The following PCDH15 variants were observed in gnomAD, a reference collection of about 807,000 sequenced individuals.
The protein encoded by PCDH15 is protocadherin-15.
In PCDH15, 129 loss-of-function variants were observed where a neutral mutation model predicts 178.5. The observed-to-expected ratio is 0.72, with a 90% confidence interval of 0.63 to 0.84. The LOEUF (loss-of-function observed/expected upper bound fraction) is 0.84, where lower values mean the gene tolerates loss of function less well. PCDH15 is among the 40% of genes least tolerant of loss of function. PCDH15 has a pLI of 0.00. For missense variants in PCDH15, 2,230 were observed against 2,099.9 expected (o/e 1.06, Z -1.21); for synonymous variants, 800 against 732.0 (o/e 1.09, Z -1.50).
chr10:54,752,521 CAAACAAACAA>C (rs1946467810), intron 1 of PCDH15, among the ~76,000 whole-genome samples: 1 of 58,894 alleles, frequency 1.7e-5, no homozygotes, highest in African/African-American at 5.2e-5. Context: ...AACAAACAAA[CAAACAAACAA>C]AAAAAAACAA....
intron 2 of PCDH15, among the ~76,000 whole-genome samples, chr10:55,449,324 A>G (rs139082878): frequency 2.0e-3 from 297 of 152,162 alleles, no homozygotes; most frequent in African/African-American, 6.8e-3. Context: ...TGGTTCCATC[A>G]GAAACAAATG....
chr10:54,375,849 A>T (rs1217051165), intron 4 of PCDH15, among the ~76,000 whole-genome samples: 3 of 114,208 alleles, frequency 2.6e-5, no homozygotes, highest in African/African-American at 1.1e-4. Flanking sequence ...TATATATATA[A>T]TATATAAATA....
At chr10:54,104,832 G>A (rs2094879939) in intron 15 of PCDH15, among the ~76,000 whole-genome samples, 1 of 98,144 alleles carries the variant, frequency 1.0e-5, no homozygotes. Flanking sequence ...GTGAGACTCT[G>A]CCTCAACAAC....
intron 3 of PCDH15, among the ~76,000 whole-genome samples, chr10:54,457,017 G>A (rs564071049): frequency 7.9e-5 from 12 of 152,236 alleles, no homozygotes; most frequent in Non-Finnish European, 1.8e-4. Flanking sequence ...CCAGTCACAG[G>A]TGTTTCTTCA....
At chr10:54,119,915 C>A (rs940704761) in intron 15 of PCDH15, among the ~76,000 whole-genome samples, 1 of 152,078 alleles carries the variant, frequency 6.6e-6, no homozygotes, top group African/African-American at 2.4e-5. Context: ...AATGTTATCC[C>A]TCCCCTAGCT....
At chr10:54,884,134 C>T (rs1481147920) in intron 3 of PCDH15, among the ~76,000 whole-genome samples, 2 of 151,904 alleles carry the variant, frequency 1.3e-5, no homozygotes, top group African/African-American at 4.8e-5. Flanking sequence ...AGCCGGGTAT[C>T]AGAGTAACAA....
chr10:54,694,610 T>A (rs546799488), intron 1 of PCDH15, among the ~76,000 whole-genome samples: 3 of 152,200 alleles, frequency 2.0e-5, no homozygotes, highest in Non-Finnish European at 4.4e-5. Flanking sequence ...CAAACTTTAT[T>A]ATTATTATTA....
intron 3 of PCDH15, among the ~76,000 whole-genome samples, chr10:54,520,878 G>A (rs1402659917): frequency 6.6e-6 from 1 of 151,580 alleles, no homozygotes; most frequent in Non-Finnish European, 1.5e-5. Flanking sequence ...GGAATACTAT[G>A]CAGCCATAAA....
chr10:55,272,085 T>A (rs1039240633), intron 1 of PCDH15, among the ~76,000 whole-genome samples: 1 of 152,184 alleles, frequency 6.6e-6, no homozygotes, highest in Non-Finnish European at 1.5e-5. Context: ...GTGTTTTTTC[T>A]ATATACCATT....
intron 3 of PCDH15, among the ~76,000 whole-genome samples, chr10:54,396,956 A>G (rs1448815695): frequency 6.6e-6 from 1 of 151,448 alleles, no homozygotes; most frequent in Middle Eastern, 3.2e-3. Context: ...TTTTCCCTCA[A>G]TATTTTTCTT....
intron 1 of PCDH15, among the ~76,000 whole-genome samples, chr10:55,170,842 A>G (rs1457769485): frequency 1.3e-5 from 2 of 152,160 alleles, no homozygotes; most frequent in African/African-American, 2.4e-5. Context: ...AGATCGCACC[A>G]TTGCACTCCA....
At chr10:54,825,824 A>G (rs188215046) in intron 3 of PCDH15, among the ~76,000 whole-genome samples, 3 of 152,158 alleles carry the variant, frequency 2.0e-5, no homozygotes, top group Admixed American at 1.3e-4. Flanking sequence ...TTCCTTTTTC[A>G]TGCCAGGATA....
intron 10 of PCDH15, among the ~76,000 whole-genome samples, chr10:54,208,726 T>TGTGTGC (rs1440116730): frequency 1.3e-5 from 2 of 152,166 alleles, no homozygotes; most frequent in Admixed American, 6.6e-5. Context: ...TGTCTGTGTG[T>TGTGTGC]GTGTGCGTGT....
At chr10:55,510,679 CAG>C (rs1162176580) in intron 2 of PCDH15, among the ~76,000 whole-genome samples, 2 of 151,664 alleles carry the variant, frequency 1.3e-5, no homozygotes, top group Non-Finnish European at 2.9e-5. Flanking sequence ...GTAAAAATAA[CAG>C]AGAATAGTGG....
chr10:54,120,277 G>A (rs1334667209), intron 15 of PCDH15, among the ~76,000 whole-genome samples: 1 of 152,020 alleles, frequency 6.6e-6, no homozygotes, highest in Non-Finnish European at 1.5e-5. Flanking sequence ...TCTAAACATG[G>A]GAACCAAGAA....
intron 1 of PCDH15, among the ~76,000 whole-genome samples, chr10:55,269,770 G>GAAAA (rs201580226): frequency 2.6e-5 from 4 of 151,048 alleles, no homozygotes; most frequent in Admixed American, 6.6e-5. Flanking sequence ...TTCACAGTTA[G>GAAAA]AAAAAAAAAT....
At chr10:54,502,332 T>G (rs192452709) in intron 3 of PCDH15, among the ~76,000 whole-genome samples, 1 of 152,200 alleles carries the variant, frequency 6.6e-6, no homozygotes, top group Admixed American at 6.6e-5. Flanking sequence ...CTGCTTATCT[T>G]TCCAGCCATT....
intron 2 of PCDH15, among the ~76,000 whole-genome samples, chr10:54,976,329 G>C (rs1018820151): frequency 5.9e-5 from 9 of 152,088 alleles, no homozygotes; most frequent in Admixed American, 1.3e-4. Flanking sequence ...AATTCACTGA[G>C]ACCATGGTAT....
intron 13 of PCDH15, among the ~76,000 whole-genome samples, chr10:54,167,875 C>A (rs2046420817): frequency 6.6e-6 from 1 of 151,446 alleles, no homozygotes; most frequent in Non-Finnish European, 1.5e-5. Flanking sequence ...GTGCCCCATC[C>A]CTTATTTCTG....
Sources: gnomAD v4.1 joint callset for allele counts (sites outside exome capture counted in the v4.1 genomes callset) on GRCh38, gnomAD v4.1.1 for gene constraint, MANE v1.5 for transcripts, NCBI Gene and HGNC (gene_info 2026-07-23, HGNC 2026-07-21) for gene names.